Variants in HDAC4 observed in about 807,000 individuals in gnomAD.
The protein encoded by HDAC4 is histone deacetylase 4.
In HDAC4, 16 loss-of-function variants were observed where a neutral mutation model predicts 135.1. That is an observed-to-expected ratio of 0.12 (90% CI 0.08 to 0.18). HDAC4 has a LOEUF of 0.18. Ranked by LOEUF, HDAC4 falls within the 10% of genes least tolerant of loss-of-function variation. The probability of loss-of-function intolerance (pLI) is 1.00; values close to 1 mark genes in which losing one functional copy is unlikely to be tolerated. For missense variants in HDAC4, 1,143 were observed against 1,511.8 expected (o/e 0.76, Z 4.05); for synonymous variants, 685 against 653.4 (o/e 1.05, Z -0.74).
chr2:239,257,235 A>C (rs1264192413), intron 2 of HDAC4, among the ~76,000 whole-genome samples: 2 of 149,030 alleles, frequency 1.3e-5, no homozygotes, highest in African/African-American at 4.9e-5. Flanking sequence ...CAAAAAACAC[A>C]AGTGCAAAAA....
chr2:239,169,298 AC>A lies in HDAC4; in HGVS notation c.491-5376del, dbSNP rs374680754. Among the ~76,000 whole-genome samples, 26 of 152,302 alleles carry A rather than the reference AC, an allele frequency of 1.7e-4. 1 individual carries two copies. The East Asian group carries it at 3.3e-3, about 19-fold the overall frequency. Reference sequence around the variant, plus strand: ...CACAGAAGCGTGGAGGGGAGGCCGGACCCCAGGCAGAGGCCCCAGTGCTTGG... The same window carrying A: ...CACAGAAGCGTGGAGGGGAGGCCGGACCCAGGCAGAGGCCCCAGTGCTTGG... On this transcript the variant is annotated intron_variant, in intron 5 of 26. Coordinates refer to ENST00000543185, the MANE Select transcript of HDAC4 (RefSeq NM_001378414.1).
chr2:239,180,047 G>A (rs1225586534), intron 4 of HDAC4, among the ~76,000 whole-genome samples: 4 of 152,230 alleles, frequency 2.6e-5, no homozygotes, highest in East Asian at 1.9e-4. Flanking sequence ...GCAAGGTGAC[G>A]GGGGCAGGCG....
chr2:239,276,159 T>C (rs2050349250), intron 2 of HDAC4, among the ~76,000 whole-genome samples: 1 of 152,208 alleles, frequency 6.6e-6, no homozygotes, highest in African/African-American at 2.4e-5. Context: ...AAGTTCACTC[T>C]GGTGGCAACG....
At chr2:239,112,023 G>A (rs927302224) in intron 13 of HDAC4, among the ~76,000 whole-genome samples, 1 of 152,188 alleles carries the variant, frequency 6.6e-6, no homozygotes, top group African/African-American at 2.4e-5. Context: ...TGAGTCAGGG[G>A]GTCCCAGGGA....
At chr2:239,219,267 C>T (rs968783235) in intron 3 of HDAC4, among the ~76,000 whole-genome samples, 2 of 151,894 alleles carry the variant, frequency 1.3e-5, no homozygotes, top group African/African-American at 4.8e-5. Flanking sequence ...GGCACATATA[C>T]ACCATGGAAT....
intron 21 of HDAC4, among the ~76,000 whole-genome samples, chr2:239,081,683 G>C (rs1032986241): frequency 6.6e-6 from 1 of 152,214 alleles, no homozygotes; most frequent in African/African-American, 2.4e-5. Flanking sequence ...GACCTGGGGC[G>C]TTGTCAAGGA....
intron 23 of HDAC4, among the ~76,000 whole-genome samples, chr2:239,067,322 C>T (rs1487729639): frequency 6.6e-6 from 1 of 152,212 alleles, no homozygotes; most frequent in East Asian, 1.9e-4. Context: ...GAGCCACAGT[C>T]CCGCCACTGC....
intron 2 of HDAC4, among the ~76,000 whole-genome samples, chr2:239,337,646 T>G (rs1692025765): frequency 6.6e-6 from 1 of 152,178 alleles, no homozygotes. Flanking sequence ...CTTCCAAGAA[T>G]GAGGATAAAT....
chr2:239,062,009 G>A (rs530285876), intron 24 of HDAC4, among the ~76,000 whole-genome samples: 2 of 152,366 alleles, frequency 1.3e-5, no homozygotes, highest in Admixed American at 6.5e-5. Flanking sequence ...CCCCGTGGCC[G>A]TCTGGTGCAG....
intron 5 of HDAC4, among the ~76,000 whole-genome samples, chr2:239,164,606 G>A (rs768486903): frequency 3.3e-5 from 5 of 152,234 alleles, no homozygotes; most frequent in Admixed American, 2.6e-4. Flanking sequence ...GAGGCTGCTC[G>A]CCTCAGATCT....
In HDAC4 at chr2:239,066,781, C is replaced by T. The variant is rs760702458; in HGVS notation, c.2944G>A (p.Asp982Asn). The change falls in exon 24 of 27, where the codon GAC becomes AAC. Residue 982 changes from aspartate (D) to asparagine (N), a missense_variant. Coordinates refer to ENST00000543185, the MANE Select transcript of HDAC4 (RefSeq NM_001378414.1). ...RIVLALEGGH[D>N]LTAICDASEA... is the part of the protein sequence containing the mutation. ...GAGGCGTCGCAAATGGCGGTCAGGT[C>T]GTGGCCTCCCTCGAGGGCCAGGACA... is the stretch of plus-strand genomic sequence containing the variant. 48 of 1,613,674 alleles carry T rather than the reference C, an allele frequency of 3.0e-5. No individual in the cohort carries two copies. The highest frequency in any genetic ancestry group is 2.7e-5 in the Non-Finnish European group (32 of 1,180,042).
intron 2 of HDAC4, among the ~76,000 whole-genome samples, chr2:239,328,577 T>A (rs995313212): frequency 6.6e-5 from 10 of 152,152 alleles, no homozygotes; most frequent in African/African-American, 2.2e-4. Flanking sequence ...GAAAACATCC[T>A]ATCCATGAGA....
At chr2:239,394,035 A>G (rs1352323817) in intron 1 of HDAC4, among the ~76,000 whole-genome samples, 1 of 122,252 alleles carries the variant, frequency 8.2e-6, no homozygotes, top group East Asian at 2.5e-4. Flanking sequence ...TCTCTTCCTC[A>G]GTTTAAAAAA....
chr2:239,375,103 GCAGAGC>G lies in HDAC4; in HGVS notation c.-219-22191_-219-22186del, dbSNP rs527314941. Among the ~76,000 whole-genome samples, 23 of 152,318 alleles carry G rather than the reference GCAGAGC, an allele frequency of 1.5e-4. 1 individual carries two copies. In the East Asian group the frequency reaches 4.4e-3, roughly 29 times the overall value. On this transcript the variant is annotated intron_variant, in intron 1 of 26. Transcript: ENST00000543185. ...TCTGATGGGTCAGCTGGGAGAACAC[GCAGAGC>G]CAGGCAGGGTCCACAGAGCTGTGAA...
chr2:239,192,612 A>C (rs1445157015), intron 3 of HDAC4, among the ~76,000 whole-genome samples: 1 of 152,122 alleles, frequency 6.6e-6, no homozygotes, highest in Non-Finnish European at 1.5e-5. Context: ...CGGCTCTCAC[A>C]AGCACGGCGG....
intron 7 of HDAC4, among the ~76,000 whole-genome samples, chr2:239,156,138 G>C (rs2042409036): frequency 6.6e-6 from 1 of 152,226 alleles, no homozygotes; most frequent in East Asian, 1.9e-4. Context: ...ACAGAACTGT[G>C]GCACATAACT....
At position 239,303,584 on chromosome 2, in the gene HDAC4, T is replaced by TTTTC. The variant is rs925545816; in HGVS notation, c.22+49090_22+49093dup. Among the ~76,000 whole-genome samples the TTTTC allele has an allele frequency of 2.0e-5, 3 of 151,956 alleles. No homozygotes were observed. The highest frequency in any genetic ancestry group is 4.4e-5 in the Non-Finnish European group (3 of 67,960). On this transcript the variant is annotated intron_variant, in intron 2 of 26. Transcript: ENST00000543185. The surrounding 1 kb of genome is among the most constrained non-coding windows in gnomAD (Gnocchi z 5.1). ...AATGTTACGTTGTCAGCTTTCTCTG[T>TTTTC]TTTCTTTCTTTCTTTTTTTTTTTTA...
intron 2 of HDAC4, among the ~76,000 whole-genome samples, chr2:239,244,169 C>T (rs2048344650): frequency 6.6e-6 from 1 of 152,174 alleles, no homozygotes; most frequent in South Asian, 2.1e-4. Context: ...CGGCAGAGTT[C>T]CCATGGTTTA....
intron 1 of HDAC4, among the ~76,000 whole-genome samples, chr2:239,391,455 C>A (rs1559404861): frequency 6.6e-6 from 1 of 152,140 alleles, no homozygotes; most frequent in Non-Finnish European, 1.5e-5. Context: ...AGCAGCAGGC[C>A]CCGGGCAGGG....
Sources: allele counts gnomAD v4.1 joint callset (sites outside exome capture counted in the v4.1 genomes callset), GRCh38; gene constraint gnomAD v4.1.1; non-coding constraint Gnocchi (gnomAD v3.1); transcripts MANE v1.5; gene names NCBI Gene and HGNC (gene_info 2026-07-23, HGNC 2026-07-21).